Variants in DISP1 observed in about 807,000 individuals in gnomAD.
The protein encoded by DISP1 is dispatched RND transporter family member 1.
In DISP1, 30 loss-of-function variants were observed where a neutral mutation model predicts 37.3. The observed-to-expected ratio is 0.80, with a 90% CI of 0.60 to 1.09. The LOEUF is 1.09. Ranked by LOEUF, DISP1 falls within the 50% of genes least tolerant of loss-of-function variation. The probability of loss-of-function intolerance (pLI) is 0.00; values close to 1 mark genes in which losing one functional copy is unlikely to be tolerated. For synonymous variants in DISP1, 634 were observed against 690.2 expected, an observed-to-expected ratio of 0.92 and a Z score of 1.28; for missense variants, 1,598 against 1,879.5, an observed-to-expected ratio of 0.85 and a Z score of 2.77.
chr1:222,945,553 G>C (rs572259831), intron 3 of DISP1, among the ~76,000 whole-genome samples: 93 of 152,292 alleles, frequency 6.1e-4, no homozygotes, highest in African/African-American at 2.0e-3. Context: ...GTTGTGCCAA[G>C]ATTTTCAGGA....
At chr1:222,922,688 T>C (rs1283087513) in intron 1 of DISP1, among the ~76,000 whole-genome samples, 6 of 152,164 alleles carry the variant, frequency 3.9e-5, no homozygotes, top group African/African-American at 1.4e-4. Context: ...TGAAATGTCC[T>C]TAGAGAGTAG....
chr1:222,817,770 G>A (rs926720142), intron 1 of DISP1, among the ~76,000 whole-genome samples: 1 of 152,198 alleles, frequency 6.6e-6, no homozygotes, highest in African/African-American at 2.4e-5. Context: ...TGACTCAAAA[G>A]GGGATGAATC....
intron 8 of DISP1, among the ~76,000 whole-genome samples, chr1:222,998,419 C>T (rs1679222526): frequency 6.6e-6 from 1 of 151,844 alleles, no homozygotes; most frequent in Non-Finnish European, 1.5e-5. Context: ...TTGTCACCTG[C>T]CTGTGTTTAC....
chr1:222,977,178 C>T (rs143296773), intron 3 of DISP1, among the ~76,000 whole-genome samples: 3,557 of 150,450 alleles, frequency 0.024, 139 homozygotes, highest in African/African-American at 0.082. Flanking sequence ...TACATGCATG[C>T]ACCACCATGC....
rs1254227365 is a variant in DISP1, at chr1:222,992,026, A to G, written c.805A>G (p.Arg269Gly). Residue 269 changes from arginine to glycine, a missense_variant, in exon 7 of 9, where the codon AGA becomes GGA. Transcript: ENST00000675850. ...DEQAKSHRDDRWSDDHYEREK... is the reference protein window; with the variant it reads ...DEQAKSHRDDGWSDDHYEREK... The stretch of plus-strand genomic sequence containing the variant: ...GTTCCATTTCAGCCATCGGGATGAT[A>G]GATGGTCAGATGATCATTATGAAAG... 3 of 1,613,346 alleles carry G rather than the reference A, an allele frequency of 1.9e-6. No homozygotes were observed. The South Asian group carries it at 3.3e-5, about 18-fold the overall frequency.
intron 1 of DISP1, among the ~76,000 whole-genome samples, chr1:222,847,069 G>A (rs1019393017): frequency 6.6e-6 from 1 of 152,062 alleles, no homozygotes; most frequent in Admixed American, 6.5e-5. Context: ...AGGATATTCT[G>A]TCGGTGTTTG....
At chr1:223,002,297 A>G in intron 8 of DISP1, 88 bp from the exon 9 acceptor site, 1 of 1,228,034 alleles carries the variant, frequency 8.1e-7, no homozygotes, top group Admixed American at 1.7e-5. Flanking sequence ...CCTGTCCCTC[A>G]AGATCACCTT....
intron 1 of DISP1, among the ~76,000 whole-genome samples, chr1:222,867,599 G>T (rs1048107576): frequency 1.3e-5 from 2 of 152,076 alleles, no homozygotes; most frequent in African/African-American, 4.8e-5. Context: ...CAGTGTGGAG[G>T]GACTTTAGAG....
intron 2 of DISP1, among the ~76,000 whole-genome samples, chr1:222,933,427 G>A (rs190440671): frequency 6.6e-6 from 1 of 151,906 alleles, no homozygotes; most frequent in Admixed American, 6.6e-5. Flanking sequence ...CCCATAAATT[G>A]AATAATAAGA....
chr1:222,919,448 T>C (rs1672691638), intron 1 of DISP1, among the ~76,000 whole-genome samples: 1 of 152,184 alleles, frequency 6.6e-6, no homozygotes, highest in South Asian at 2.1e-4. Context: ...CCCTGCTCTG[T>C]CTACCCAGTA....
intron 4 of DISP1, among the ~76,000 whole-genome samples, chr1:222,985,431 C>G (rs1284296598): frequency 1.3e-5 from 2 of 152,196 alleles, no homozygotes; most frequent in African/African-American, 4.8e-5. Flanking sequence ...GCGGGCAGAT[C>G]ACGAGGTCAG....
At chr1:222,843,563 T>TG (rs34720346) in intron 1 of DISP1, among the ~76,000 whole-genome samples, 9,692 of 146,056 alleles carry the variant, frequency 0.066, 372 homozygotes, top group Non-Finnish European at 0.088. Flanking sequence ...TAATGAAGGA[T>TG]GGGGGGGGGA....
intron 1 of DISP1, among the ~76,000 whole-genome samples, chr1:222,911,819 A>T (rs1672226940): frequency 6.6e-6 from 1 of 152,170 alleles, no homozygotes; most frequent in African/African-American, 2.4e-5. Context: ...GGCATGAGCC[A>T]CTGTCCCTGG....
At position 222,994,965 on chromosome 1, in the gene DISP1, A is replaced by C. The variant is rs540049936; in HGVS notation, c.970A>C (p.Asn324His). 1 of 1,612,362 alleles carries C rather than the reference A, an allele frequency of 6.2e-7. No individual in the cohort carries two copies. ...WNLPAIKSMC[N>H]VDNSRIRSHP... ...TTTACCTGCAATTAAATCAATGTGCAATGTAGATAATTCCAGGGTATGTAA... is the reference window on the plus strand; with the variant it reads ...TTTACCTGCAATTAAATCAATGTGCCATGTAGATAATTCCAGGGTATGTAA... The change falls in exon 8 of 9, where the codon AAT becomes CAT. Residue 324 changes from asparagine (N) to histidine (H), a missense_variant. Coordinates refer to ENST00000675850, the MANE Select transcript of DISP1 (RefSeq NM_001377229.1).
intron 1 of DISP1, among the ~76,000 whole-genome samples, chr1:222,882,134 G>T (rs904080341): frequency 5.9e-5 from 9 of 152,084 alleles, no homozygotes; most frequent in Non-Finnish European, 1.3e-4. Flanking sequence ...ATAATTACCT[G>T]ATTTCAATAT....
At chr1:222,865,250 A>G (rs773927683) in intron 1 of DISP1, among the ~76,000 whole-genome samples, 2 of 152,158 alleles carry the variant, frequency 1.3e-5, no homozygotes, top group African/African-American at 2.4e-5. Context: ...AATTCAAAAT[A>G]TATAATTTGT....
intron 1 of DISP1, among the ~76,000 whole-genome samples, chr1:222,903,970 T>C (rs973322016): frequency 1.3e-5 from 2 of 152,210 alleles, no homozygotes; most frequent in African/African-American, 4.8e-5. Flanking sequence ...TTTCATCTGC[T>C]TCAGTGTTTG....
intron 3 of DISP1, among the ~76,000 whole-genome samples, chr1:222,951,366 CA>C (rs11296425): frequency 0.46 from 66,504 of 145,350 alleles, 16,189 homozygotes; most frequent in African/African-American, 0.66. Flanking sequence ...TCTTTTAAAA[CA>C]AAAAAAAAAA....
intron 3 of DISP1, among the ~76,000 whole-genome samples, chr1:222,951,806 T>C (rs1572605061): frequency 6.6e-6 from 1 of 152,200 alleles, no homozygotes; most frequent in East Asian, 1.9e-4. Context: ...GACAAGACAC[T>C]TAGATTTTAG....
Sources: gnomAD v4.1 joint callset for allele counts (sites outside exome capture counted in the v4.1 genomes callset) on GRCh38, gnomAD v4.1.1 for gene constraint, MANE v1.5 for transcripts, NCBI Gene and HGNC (gene_info 2026-07-23, HGNC 2026-07-21) for gene names.